The following ASTN1 variants were observed in gnomAD, a reference collection of about 807,000 sequenced individuals.
ASTN1 encodes the protein astrotactin-1.
ASTN1 carries 41 observed loss-of-function variants against 140.7 expected under a neutral mutation model. The observed-to-expected ratio is 0.29, with a 90% CI of 0.23 to 0.38. The LOEUF is 0.38. ASTN1 is among the 10% of genes least tolerant of loss of function. The probability of loss-of-function intolerance (pLI) is 1.00; values close to 1 mark genes in which losing one functional copy is unlikely to be tolerated. For synonymous variants in ASTN1, 640 were observed against 652.2 expected (o/e 0.98, Z 0.29); for missense variants, 1,479 against 1,678.8 (o/e 0.88, Z 2.08).
Position 176,862,585 on chromosome 1 carries a change from A to C in ASTN1, c.*1699T>G. 1 of 985,196 alleles carries C rather than the reference A, an allele frequency of 1.0e-6. No homozygotes were observed. 61.0% of individuals were successfully genotyped at this position (985,196 alleles called of 1,614,324 possible). ...CAGAACTGGGTATCCCAGAGTAGCT[A>C]AGATCCTGTGCCCTGGAGACCAACA... On this transcript the variant is annotated 3_prime_UTR_variant, in exon 23 of 23. Coordinates refer to ENST00000361833, the MANE Select transcript of ASTN1 (RefSeq NM_004319.3).
Position 177,030,847 on chromosome 1 carries a change from G to A in ASTN1, c.971C>T (p.Thr324Ile), listed in dbSNP as rs1384795767. The change falls in exon 4 of 23, where the codon ACC becomes ATC. Residue 324 changes from threonine (T) to isoleucine (I), a missense_variant. This residue lies in a region of ASTN1 where 729 missense variants were observed against 860.4 expected (regional missense o/e 0.85). Coordinates refer to ENST00000361833, the MANE Select transcript of ASTN1 (RefSeq NM_004319.3). ...NHQQATLLSH[T>I]SSSQRKRINN... Reference sequence around the variant, plus strand: ...GATCCGCTTTCTCTGGCTGCTGGAGGTGTGAGAGAGAAGGGTGGCTTGCTG... The same window carrying A: ...GATCCGCTTTCTCTGGCTGCTGGAGATGTGAGAGAGAAGGGTGGCTTGCTG... 8.7e-6 allele frequency: 14 copies of A among 1,614,190 alleles called. No homozygotes were observed. Among genetic ancestry groups the A allele is most frequent in the Non-Finnish European group, 1.2e-5 (14 of 1,180,028 alleles).
chr1:177,097,548 T>C (rs1390138387), intron 1 of ASTN1, among the ~76,000 whole-genome samples: 1 of 152,224 alleles, frequency 6.6e-6, no homozygotes, highest in African/African-American at 2.4e-5. Context: ...AAATATATCT[T>C]TCGTCTTTAT....
At chr1:177,102,597 G>A (rs12722726) in intron 1 of ASTN1, among the ~76,000 whole-genome samples, 47,947 of 152,008 alleles carry the variant, frequency 0.32, 8,747 homozygotes, top group Non-Finnish European at 0.42. Context: ...ATAAAACAAA[G>A]TAAAATTAAA....
chr1:177,054,093 G>A (rs968602755), intron 2 of ASTN1, among the ~76,000 whole-genome samples: 31 of 152,164 alleles, frequency 2.0e-4, no homozygotes, highest in Admixed American at 4.6e-4. Flanking sequence ...CAGGAGAGGA[G>A]TGCTTCTCAA....
intron 1 of ASTN1, among the ~76,000 whole-genome samples, chr1:177,138,728 C>A (rs780899630): frequency 6.6e-6 from 1 of 152,190 alleles, no homozygotes; most frequent in Non-Finnish European, 1.5e-5. Context: ...CAGGATATCA[C>A]TGAACAGAAA....
intron 12 of ASTN1, among the ~76,000 whole-genome samples, chr1:176,947,906 T>C (rs538426895): frequency 6.6e-6 from 1 of 152,336 alleles, no homozygotes; most frequent in African/African-American, 2.4e-5. Context: ...AATAAATACA[T>C]TTATATAACT....
chr1:177,030,929 G>T lies in ASTN1; in HGVS notation c.889C>A (p.Leu297Met). ...ATATTATCTTTATACTTGTTCATCA[G>T]TGACAGCTTGGCATTGTCACTTCCT... The part of the protein sequence containing the change: ...TPGSDNAKLS[L>M]MNKYKDNIIA... Residue 297 changes from leucine (L) to methionine (M), a missense_variant, in exon 4 of 23, where the codon CTG becomes ATG. Leu to Met is a conservative substitution (Grantham distance 15). This residue lies in a region of ASTN1 where 729 missense variants were observed against 860.4 expected (regional missense o/e 0.85). Transcript: ENST00000361833. 1 of 1,613,676 alleles carries T rather than the reference G, an allele frequency of 6.2e-7. No individual in the cohort carries two copies. The highest frequency in any genetic ancestry group is 8.5e-7 in the Non-Finnish European group (1 of 1,179,806).
At chr1:177,147,467 G>A (rs1682770372) in intron 1 of ASTN1, among the ~76,000 whole-genome samples, 1 of 152,158 alleles carries the variant, frequency 6.6e-6, no homozygotes, top group African/African-American at 2.4e-5. Flanking sequence ...AATTATTTTA[G>A]AATTAGAATA....
chr1:177,114,766 C>A (rs1680999404), intron 1 of ASTN1, among the ~76,000 whole-genome samples: 1 of 152,162 alleles, frequency 6.6e-6, no homozygotes, highest in African/African-American at 2.4e-5. Context: ...TTGCCACAAA[C>A]ATATACCTTT....
At chr1:176,873,588 T>C (rs979118795) in intron 21 of ASTN1, among the ~76,000 whole-genome samples, 2 of 152,172 alleles carry the variant, frequency 1.3e-5, no homozygotes, top group Admixed American at 6.5e-5. Context: ...CGAGATCATA[T>C]TTATGATCAC....
At chr1:176,868,631 G>A (rs931454144) in intron 22 of ASTN1, among the ~76,000 whole-genome samples, 6 of 152,148 alleles carry the variant, frequency 3.9e-5, no homozygotes, top group African/African-American at 1.4e-4. Flanking sequence ...TTTTTTCAGA[G>A]TTCAGGAAAA....
At chr1:177,148,275 G>A (rs555145030) in intron 1 of ASTN1, among the ~76,000 whole-genome samples, 4 of 152,050 alleles carry the variant, frequency 2.6e-5, no homozygotes, top group Admixed American at 6.6e-5. Context: ...AAAATTAGCC[G>A]GGCGTGGTGG....
At chr1:176,891,377 T>G (rs12074882) in intron 17 of ASTN1, among the ~76,000 whole-genome samples, 6,608 of 152,288 alleles carry the variant, frequency 0.043, 433 homozygotes, top group African/African-American at 0.15. Context: ...TAGCAGAAAA[T>G]GAACTATGCA....
At chr1:177,162,630 C>G (rs1647447406) in intron 1 of ASTN1, among the ~76,000 whole-genome samples, 1 of 152,178 alleles carries the variant, frequency 6.6e-6, no homozygotes. Context: ...CCTGCTAGCC[C>G]TCCCTTTTTT....
intron 8 of ASTN1, among the ~76,000 whole-genome samples, chr1:176,977,383 G>T (rs1413745088): frequency 6.6e-6 from 1 of 152,290 alleles, no homozygotes; most frequent in East Asian, 1.9e-4. Flanking sequence ...ACACAGAAAT[G>T]ATTAATACAC....
chr1:177,078,021 G>T (rs1374933492), intron 1 of ASTN1, among the ~76,000 whole-genome samples: 1 of 152,146 alleles, frequency 6.6e-6, no homozygotes. Flanking sequence ...GGGAGTCTGG[G>T]CCATAAGAGC....
At chr1:176,930,375 G>A (rs1671155377) in intron 16 of ASTN1, among the ~76,000 whole-genome samples, 1 of 152,114 alleles carries the variant, frequency 6.6e-6, no homozygotes, top group Non-Finnish European at 1.5e-5. Flanking sequence ...GAGGTTTCAA[G>A]CCTCAGAAAA....
chr1:176,971,327 T>C (rs994710356), intron 8 of ASTN1, among the ~76,000 whole-genome samples: 8 of 152,218 alleles, frequency 5.3e-5, no homozygotes, highest in African/African-American at 1.9e-4. Flanking sequence ...ATCTTCACAA[T>C]CATTACTAGT....
Position 176,920,668 on chromosome 1 carries a change from G to T in ASTN1, c.2671+13484C>A, listed in dbSNP as rs544850294. Among the ~76,000 whole-genome samples the T allele has an allele frequency of 2.6e-5, 4 of 152,292 alleles. No homozygotes were observed. In the South Asian group the frequency reaches 8.3e-4, roughly 32 times the overall value. On this transcript the variant is annotated intron_variant, in intron 16 of 22. Coordinates refer to ENST00000361833, the MANE Select transcript of ASTN1 (RefSeq NM_004319.3). ...CAACAGTTTTTCCTGCTTCTCCCAT[G>T]GGTTCCGCTGAGGGCTCAGCCACAC...
Sources: gnomAD v4.1 joint callset for allele counts (sites outside exome capture counted in the v4.1 genomes callset) on GRCh38, gnomAD v4.1.1 for gene constraint, gnomAD v4.1.1 regional missense constraint, MANE v1.5 for transcripts, NCBI Gene and HGNC (gene_info 2026-07-23, HGNC 2026-07-21) for gene names.